AKT3: variants seen among roughly 807,000 people sequenced by gnomAD.
AKT3 encodes AKT serine/threonine kinase 3.
Under a neutral mutation model 65.3 loss-of-function variants are expected in AKT3, and 15 were observed. The observed-to-expected ratio is 0.23, with a 90% CI of 0.15 to 0.35. The LOEUF is 0.35. AKT3 is among the 10% of genes least tolerant of loss of function. The pLI is 1.00. For missense variants in AKT3, 243 were observed against 576.5 expected, an observed-to-expected ratio of 0.42 and a Z score of 5.92; for synonymous variants, 206 against 183.8, an observed-to-expected ratio of 1.12 and a Z score of -0.98.
intron 3 of AKT3, among the ~76,000 whole-genome samples, chr1:243,674,683 T>C (rs1453241754): frequency 1.3e-5 from 2 of 152,222 alleles, no homozygotes; most frequent in Non-Finnish European, 2.9e-5. Flanking sequence ...AAAAGATTTA[T>C]AAAAACCAAA....
intron 4 of AKT3, among the ~76,000 whole-genome samples, chr1:243,646,665 A>AT (rs1227760452): frequency 1.3e-5 from 2 of 152,072 alleles, no homozygotes; most frequent in Admixed American, 1.3e-4. Flanking sequence ...AATCCTAACT[A>AT]TTAAGTTGAC....
chr1:243,723,097 C>G (rs961877258), intron 2 of AKT3, among the ~76,000 whole-genome samples: 3 of 152,142 alleles, frequency 2.0e-5, no homozygotes, highest in Admixed American at 6.6e-5. Flanking sequence ...GGCCCTTTAT[C>G]TGAGGGATTA....
chr1:243,810,860 AG>A (rs1283486421), intron 2 of AKT3, among the ~76,000 whole-genome samples: 3 of 152,216 alleles, frequency 2.0e-5, no homozygotes, highest in African/African-American at 7.2e-5. Flanking sequence ...CTGGGATGCA[AG>A]GCTGGTTCAA....
At chr1:243,790,608 A>G (rs1184342527) in intron 2 of AKT3, among the ~76,000 whole-genome samples, 1 of 152,112 alleles carries the variant, frequency 6.6e-6, no homozygotes, top group Non-Finnish European at 1.5e-5. Flanking sequence ...AGCACTTTTC[A>G]TTTCCTTCAA....
rs140025395 is a variant in AKT3, at chr1:243,806,127, C to A, written c.46+36998G>T. 4.3e-3 allele frequency among the ~76,000 whole-genome samples: 650 copies of A among 152,280 alleles called. 5 individuals carry two copies. The highest frequency in any genetic ancestry group is 0.01 in the Middle Eastern group (3 of 294). On this transcript the variant is annotated intron_variant, in intron 2 of 13. Coordinates refer to ENST00000673466, the MANE Select transcript of AKT3 (RefSeq NM_005465.7). ...CTCAAATGCCCCTTCCTCTGTGAAG[C>A]CTTTCCTGCCACACACCCATCACCC...
At chr1:243,628,081 A>G (rs1039939410) in intron 6 of AKT3, among the ~76,000 whole-genome samples, 1 of 152,236 alleles carries the variant, frequency 6.6e-6, no homozygotes, top group Non-Finnish European at 1.5e-5. Flanking sequence ...AAGAAAGTAT[A>G]GAACACATCA....
intron 2 of AKT3, among the ~76,000 whole-genome samples, chr1:243,760,375 C>T (rs1689414676): frequency 6.7e-6 from 1 of 149,690 alleles, no homozygotes; most frequent in African/African-American, 2.5e-5. Flanking sequence ...GATCCTCCAG[C>T]TTCAGCCTCC....
chr1:243,693,673 C>A (rs889872386), intron 3 of AKT3, among the ~76,000 whole-genome samples: 1 of 152,018 alleles, frequency 6.6e-6, no homozygotes, highest in South Asian at 2.1e-4. Context: ...TTGCAGCTTG[C>A]GGCCAGGTTG....
chr1:243,561,597 T>C (rs1673784861), intron 10 of AKT3, among the ~76,000 whole-genome samples: 1 of 152,156 alleles, frequency 6.6e-6, no homozygotes. Flanking sequence ...AATGAAATAA[T>C]AGCTGTAATG....
intron 4 of AKT3, among the ~76,000 whole-genome samples, chr1:243,647,485 A>T (rs1260431228): frequency 6.6e-6 from 1 of 152,198 alleles, no homozygotes; most frequent in Admixed American, 6.5e-5. Context: ...TGTTTCTCAA[A>T]ACGTATCACT....
intron 2 of AKT3, among the ~76,000 whole-genome samples, chr1:243,829,396 ATAT>A (rs1281747957): frequency 1.3e-5 from 2 of 152,210 alleles, no homozygotes; most frequent in African/African-American, 4.8e-5. Flanking sequence ...AAAGTCTGAC[ATAT>A]TAAACTACTT....
chr1:243,809,246 A>G (rs1428282524), intron 2 of AKT3, among the ~76,000 whole-genome samples: 2 of 152,228 alleles, frequency 1.3e-5, no homozygotes, highest in Non-Finnish European at 2.9e-5. Context: ...CAAATTGGAT[A>G]AACAGTCAAG....
chr1:243,754,354 T>G (rs1002736877), intron 2 of AKT3, among the ~76,000 whole-genome samples: 2 of 152,246 alleles, frequency 1.3e-5, no homozygotes, highest in South Asian at 2.1e-4. Context: ...TGTATCTGCA[T>G]TTGATTTTAC....
intron 2 of AKT3, among the ~76,000 whole-genome samples, chr1:243,808,386 C>A (rs1692893092): frequency 6.6e-6 from 1 of 152,124 alleles, no homozygotes; most frequent in East Asian, 1.9e-4. Context: ...GACGAATGCA[C>A]AAGCTTCAGT....
chr1:243,847,539 G>A (rs767546643), intron 1 of AKT3, among the ~76,000 whole-genome samples: 1 of 152,042 alleles, frequency 6.6e-6, no homozygotes, highest in Non-Finnish European at 1.5e-5. Context: ...CCAGATAGCT[G>A]GAAATTTCCA....
intron 6 of AKT3, among the ~76,000 whole-genome samples, chr1:243,633,215 T>C (rs930677447): frequency 2.6e-5 from 4 of 152,264 alleles, no homozygotes; most frequent in Admixed American, 2.0e-4. Flanking sequence ...AGGGAGTTCA[T>C]TAGCACTGGA....
At chr1:243,783,559 A>G (rs964615573) in intron 2 of AKT3, among the ~76,000 whole-genome samples, 2 of 152,192 alleles carry the variant, frequency 1.3e-5, no homozygotes, top group African/African-American at 4.8e-5. Flanking sequence ...AATTAAGGTG[A>G]ATTTTTAAAA....
intron 3 of AKT3, among the ~76,000 whole-genome samples, chr1:243,675,613 G>A (rs1683457181): frequency 6.6e-6 from 1 of 152,208 alleles, no homozygotes; most frequent in Non-Finnish European, 1.5e-5. Flanking sequence ...TACAAGGCTG[G>A]CCTTTGTTAC....
At chr1:243,804,291 T>G (rs1233401240) in intron 2 of AKT3, among the ~76,000 whole-genome samples, 1 of 152,232 alleles carries the variant, frequency 6.6e-6, no homozygotes, top group Non-Finnish European at 1.5e-5. Context: ...AATCATTTTG[T>G]CTATCTAAAA....
Sources: allele counts gnomAD v4.1 joint callset (sites outside exome capture counted in the v4.1 genomes callset), GRCh38; gene constraint gnomAD v4.1.1; transcripts MANE v1.5; gene names NCBI Gene and HGNC (gene_info 2026-07-23, HGNC 2026-07-21).